PHLDB2: variants seen among roughly 807,000 people sequenced by gnomAD.
The protein encoded by PHLDB2 is pleckstrin homology like domain family B member 2.
A neutral mutation model predicts 123.6 loss-of-function variants in PHLDB2; 71 were observed. The ratio of observed to expected loss-of-function variants is 0.57; its 90% CI spans 0.47 to 0.70. PHLDB2 has a LOEUF of 0.70. Among genes scored for constraint, PHLDB2 ranks in the 30% least tolerant of loss-of-function variants. PHLDB2 has a pLI of 0.00. For synonymous variants in PHLDB2, 547 were observed against 541.6 expected (o/e 1.01, Z -0.14); for missense variants, 1,446 against 1,519.5 (o/e 0.95, Z 0.80).
intron 1 of PHLDB2, among the ~76,000 whole-genome samples, chr3:111,865,333 A>G (rs1003235222): frequency 5.3e-5 from 8 of 152,302 alleles, no homozygotes; most frequent in Middle Eastern, 3.4e-3. Context: ...TTTTCCCACT[A>G]TGTTATGCTA....
intron 1 of PHLDB2, among the ~76,000 whole-genome samples, chr3:111,743,533 A>T (rs571887533): frequency 6.6e-6 from 1 of 152,316 alleles, no homozygotes; most frequent in South Asian, 2.1e-4. Context: ...AAAAATCTAG[A>T]GAAGTAGCAG....
At chr3:111,762,690 C>T (rs1240527958) in intron 1 of PHLDB2, among the ~76,000 whole-genome samples, 4 of 152,152 alleles carry the variant, frequency 2.6e-5, no homozygotes, top group Non-Finnish European at 5.9e-5. Flanking sequence ...TACTGCTGTA[C>T]GTAGTTTGTG....
At chr3:111,823,603 T>C (rs1030616288) in intron 1 of PHLDB2, among the ~76,000 whole-genome samples, 10 of 152,234 alleles carry the variant, frequency 6.6e-5, no homozygotes, top group African/African-American at 2.4e-4. Context: ...TACCAGACTT[T>C]CACAAACCTA....
intron 6 of PHLDB2, among the ~76,000 whole-genome samples, chr3:111,936,673 A>G (rs2069512133): frequency 6.6e-6 from 1 of 152,238 alleles, no homozygotes; most frequent in African/African-American, 2.4e-5. Context: ...ATGCAGGGTT[A>G]AAATAACACA....
At position 111,974,480 on chromosome 3, in the gene PHLDB2, G is replaced by C. The variant is rs2072438557; in HGVS notation, c.3679G>C (p.Val1227Leu). 1 of 1,613,326 alleles carries C rather than the reference G, an allele frequency of 6.2e-7. No homozygotes were observed. The highest frequency in any genetic ancestry group is 1.3e-5 in the African/African-American group (1 of 74,812). ...GACTCATGACAGAATCTATTATATG[G>C]TAGCCCCATCGCCAGAAGCCATGCG... is the stretch of plus-strand genomic sequence containing the variant. ...VKTHDRIYYMVAPSPEAMRIW... is the reference protein window; with the variant it reads ...VKTHDRIYYMLAPSPEAMRIW... The change falls in exon 18 of 18, where the codon GTA (valine) becomes CTA (leucine). Residue 1227 changes from valine to leucine, a missense_variant. Coordinates refer to ENST00000431670, the MANE Select transcript of PHLDB2 (RefSeq NM_001134438.2).
At chr3:111,759,679 C>T (rs779527273) in intron 1 of PHLDB2, among the ~76,000 whole-genome samples, 1 of 152,074 alleles carries the variant, frequency 6.6e-6, no homozygotes, top group Non-Finnish European at 1.5e-5. Context: ...GGACATTATC[C>T]AAATCAGTCA....
chr3:111,761,837 T>C (rs1410776301), intron 1 of PHLDB2, among the ~76,000 whole-genome samples: 1 of 152,208 alleles, frequency 6.6e-6, no homozygotes, highest in Non-Finnish European at 1.5e-5. Flanking sequence ...GACTGGTTTA[T>C]TTACCTGGAA....
intron 2 of PHLDB2, chr3:111,911,633 T>C: frequency 6.5e-7 from 1 of 1,535,434 alleles, no homozygotes; most frequent in Non-Finnish European, 8.7e-7. Flanking sequence ...GAGCCCAAGA[T>C]GAGAGTGTGT....
At chr3:111,805,556 G>A (rs1472355994) in intron 1 of PHLDB2, among the ~76,000 whole-genome samples, 1 of 148,322 alleles carries the variant, frequency 6.7e-6, no homozygotes, top group Non-Finnish European at 1.5e-5. Context: ...GCAACACTCC[G>A]TCTCAAAAAA....
chr3:111,919,962 C>G (rs1405157615), intron 4 of PHLDB2, among the ~76,000 whole-genome samples: 1 of 151,828 alleles, frequency 6.6e-6, no homozygotes, highest in Non-Finnish European at 1.5e-5. Flanking sequence ...CGTGGCTGCT[C>G]CCATGGTGGT....
chr3:111,851,863 G>A (rs542130961), intron 2 of PHLDB2, among the ~76,000 whole-genome samples: 65 of 151,540 alleles, frequency 4.3e-4, no homozygotes, highest in African/African-American at 1.5e-3. Flanking sequence ...CAGCTCAGGC[G>A]GCTGTATTAC....
chr3:111,973,822 A>C lies in PHLDB2; in HGVS notation c.3621+5A>C, dbSNP rs1213749857. 6.5e-7 allele frequency: 1 copy of C among 1,532,346 alleles called. No homozygotes were observed. Among genetic ancestry groups the C allele is most frequent in the Non-Finnish European group, 8.9e-7 (1 of 1,117,966 alleles). The allele number at this position is 1,532,346 out of a possible 1,614,324, so 94.9% of individuals were successfully genotyped here. A position where few individuals can be genotyped will look rare whatever the true frequency, so the allele number is the denominator to read the frequency against. On this transcript the variant is annotated splice_donor_5th_base_variant and intron_variant, in intron 17 of 17. Coordinates refer to ENST00000431670, the MANE Select transcript of PHLDB2 (RefSeq NM_001134438.2). ...CACCTCAAGAATGCTAATAAGGTAA[A>C]CATCAGTTTTCTAAATTCCTACAAT...
chr3:111,784,244 T>A (rs981073670), intron 1 of PHLDB2, among the ~76,000 whole-genome samples: 22 of 152,172 alleles, frequency 1.4e-4, no homozygotes, highest in African/African-American at 5.1e-4. Flanking sequence ...TTATATAGGT[T>A]GACTTACAAA....
intron 1 of PHLDB2, among the ~76,000 whole-genome samples, chr3:111,819,070 T>C (rs910436806): frequency 1.3e-5 from 2 of 152,192 alleles, no homozygotes; most frequent in Admixed American, 1.3e-4. Flanking sequence ...TCCTGGCTTG[T>C]AGATGGCTGC....
At chr3:111,812,361 T>G (rs1300609498) in intron 1 of PHLDB2, among the ~76,000 whole-genome samples, 1 of 152,218 alleles carries the variant, frequency 6.6e-6, no homozygotes, top group Non-Finnish European at 1.5e-5. Flanking sequence ...GCTAACACTT[T>G]GTAAGAACAG....
At chr3:111,843,849 A>G (rs1462685407) in intron 1 of PHLDB2, among the ~76,000 whole-genome samples, 1 of 152,200 alleles carries the variant, frequency 6.6e-6, no homozygotes, top group African/African-American at 2.4e-5. Flanking sequence ...TCTTTTAAGT[A>G]TAACTTATGG....
In PHLDB2 at chr3:111,903,937, A is replaced by G. The variant is rs553775789; in HGVS notation, c.1336-9382A>G. On this transcript the variant is annotated intron_variant, in intron 2 of 17. Coordinates refer to ENST00000431670, the MANE Select transcript of PHLDB2 (RefSeq NM_001134438.2). ...AGGTCTGATAAGTGCCAGAACTTCA[A>G]ATCCAACTCTATGTTCTTTCTACTT... Among the ~76,000 whole-genome samples the G allele has an allele frequency of 4.6e-5, 7 of 152,272 alleles. No homozygotes were observed. In the South Asian group the frequency reaches 1.0e-3, roughly 23 times the overall value.
chr3:111,969,618 C>A, intron 15 of PHLDB2, 72 bp from the exon 16 acceptor site: 1 of 1,245,342 alleles, frequency 8.0e-7, no homozygotes, highest in South Asian at 1.3e-5. Context: ...TTAATTTCTG[C>A]TTCTAAACAT....
chr3:111,901,531 T>G (rs185952121), intron 2 of PHLDB2, among the ~76,000 whole-genome samples: 6,802 of 119,264 alleles, frequency 0.057, 485 homozygotes, highest in African/African-American at 0.16. Flanking sequence ...ATCTTATTTT[T>G]TAAAGGATAG....
Sources: gnomAD v4.1 joint callset for allele counts (sites outside exome capture counted in the v4.1 genomes callset) on GRCh38, gnomAD v4.1.1 for gene constraint, MANE v1.5 for transcripts, NCBI Gene and HGNC (gene_info 2026-07-23, HGNC 2026-07-21) for gene names.